The following GRID2 variants were observed in gnomAD, a reference collection of about 807,000 sequenced individuals.
The protein encoded by GRID2 is glutamate receptor ionotropic, delta-2.
A neutral mutation model predicts 114.8 loss-of-function variants in GRID2; 33 were observed. That is an observed-to-expected ratio of 0.29 (90% CI 0.22 to 0.38). The LOEUF (loss-of-function observed/expected upper bound fraction) is 0.38, where lower values mean the gene tolerates loss of function less well. Ranked by LOEUF, GRID2 falls within the 10% of genes least tolerant of loss-of-function variation. GRID2 has a pLI of 1.00. For synonymous variants in GRID2, 505 were observed against 449.9 expected (o/e 1.12, Z -1.55); for missense variants, 1,184 against 1,257.7 (o/e 0.94, Z 0.89).
chr4:93,710,606 C>G (rs1250129832), intron 14 of GRID2, among the ~76,000 whole-genome samples: 1 of 152,102 alleles, frequency 6.6e-6, no homozygotes, highest in East Asian at 1.9e-4. Context: ...TATTCAAGGC[C>G]CAAGGGCTCT....
chr4:93,550,607 G>C (rs1222562882), intron 13 of GRID2, among the ~76,000 whole-genome samples: 1 of 152,138 alleles, frequency 6.6e-6, no homozygotes, highest in African/African-American at 2.4e-5. Flanking sequence ...CCTGCATTAA[G>C]ACTATTCACT....
rs941567943 is a variant in GRID2 at position 93,478,145 on chromosome 4, G to C, written c.1859-12494G>C. 3.7e-3 allele frequency among the ~76,000 whole-genome samples: 570 copies of C among 152,052 alleles called. 4 individuals are homozygous for C. The highest frequency in any genetic ancestry group is 5.9e-3 in the Non-Finnish European group (404 of 67,964). On this transcript the variant is annotated intron_variant, in intron 11 of 15. Transcript: ENST00000282020. ...TAGAAACAGTGGGAATTTTATACAG[G>C]CTAGAGTAACAAAAACATTGTGAAA...
intron 14 of GRID2, among the ~76,000 whole-genome samples, chr4:93,666,661 T>G (rs1723977595): frequency 6.6e-6 from 1 of 152,006 alleles, no homozygotes; most frequent in African/African-American, 2.4e-5. Flanking sequence ...GTTGATATGG[T>G]TTTTCTGCTT....
At position 93,594,086 on chromosome 4, in the gene GRID2, C is replaced by T. The variant is rs185714373; in HGVS notation, c.2194-32183C>T. On this transcript the variant is annotated intron_variant, in intron 13 of 15. Coordinates refer to ENST00000282020, the MANE Select transcript of GRID2 (RefSeq NM_001510.4). ...AGTCGTTCTCCGTCCAGCTTTGTTC[C>T]GTTGCTGGTGAGGAGCTGCATTCCT... Among the ~76,000 whole-genome samples, 152 of 152,286 alleles carry T rather than the reference C, an allele frequency of 1.0e-3. 1 individual carries two copies. Among genetic ancestry groups the T allele is most frequent in the East Asian group, 4.4e-3 (23 of 5,176 alleles).
chr4:93,429,505 C>A (rs1485023), intron 10 of GRID2, among the ~76,000 whole-genome samples: 105,004 of 152,084 alleles, frequency 0.69, 36,771 homozygotes, highest in African/African-American at 0.81. Flanking sequence ...CATGACTGGT[C>A]GTTTTGGATT....
At chr4:92,769,076 T>C (rs749784583) in intron 2 of GRID2, among the ~76,000 whole-genome samples, 68 of 152,180 alleles carry the variant, frequency 4.5e-4, no homozygotes, top group Non-Finnish European at 8.1e-4. Context: ...TATGAGCCTG[T>C]GAAATTCAAA....
chr4:92,372,262 A>G (rs1729151542), intron 1 of GRID2, among the ~76,000 whole-genome samples: 1 of 152,186 alleles, frequency 6.6e-6, no homozygotes, highest in South Asian at 2.1e-4. Flanking sequence ...TCCAATTTTA[A>G]AAGAAGTTCT....
chr4:93,616,600 TTTTATTATATTTATAAAATAAATATA>T lies in GRID2; in HGVS notation c.2194-9668_2194-9643del, dbSNP rs1387772805. Among the ~76,000 whole-genome samples the T allele has an allele frequency of 7.2e-3, 1,011 of 140,618 alleles. 6 individuals carry two copies. The highest frequency in any genetic ancestry group is 0.027 in the African/African-American group (980 of 36,924). 92.3% of individuals were successfully genotyped at this position (140,618 alleles called of 152,430 possible). A position where few individuals can be genotyped will look rare whatever the true frequency, so the allele number is the denominator to read the frequency against. ...TTTATAAATATTTATAAAATAAATA[TTTTATTATATTTATAAAATAAATATA>T]AAAAAAAGTTTATAGACTAAACAAA... is the stretch of plus-strand genomic sequence containing the variant. On this transcript the variant is annotated intron_variant, in intron 13 of 15. Transcript: ENST00000282020.
At chr4:92,369,460 G>T (rs1331116058) in intron 1 of GRID2, among the ~76,000 whole-genome samples, 1 of 152,106 alleles carries the variant, frequency 6.6e-6, no homozygotes, top group East Asian at 1.9e-4. Flanking sequence ...CTTTTAATCA[G>T]ATGCTCTGGG....
chr4:93,615,517 A>G (rs1306535492), intron 13 of GRID2, among the ~76,000 whole-genome samples: 1 of 152,118 alleles, frequency 6.6e-6, no homozygotes, highest in East Asian at 1.9e-4. Context: ...ACTGGGTCAA[A>G]TGGTATTTCT....
At chr4:93,291,296 G>A (rs1337176533) in intron 8 of GRID2, among the ~76,000 whole-genome samples, 2 of 152,182 alleles carry the variant, frequency 1.3e-5, no homozygotes, top group East Asian at 3.8e-4. Context: ...CCAGAGGATA[G>A]GCTTTAGGGT....
intron 1 of GRID2, among the ~76,000 whole-genome samples, chr4:92,411,266 T>C (rs1352956886): frequency 6.6e-6 from 1 of 152,146 alleles, no homozygotes; most frequent in Non-Finnish European, 1.5e-5. Context: ...TTTTACAGAA[T>C]GGACCTTTAG....
chr4:93,098,930 A>C (rs935287427), intron 3 of GRID2, among the ~76,000 whole-genome samples: 9 of 151,290 alleles, frequency 5.9e-5, no homozygotes, highest in Non-Finnish European at 4.4e-5. Context: ...TCAAGTTAGC[A>C]GACTCTGGTG....
At chr4:92,647,064 A>C (rs1265843334) in intron 2 of GRID2, among the ~76,000 whole-genome samples, 2 of 152,176 alleles carry the variant, frequency 1.3e-5, no homozygotes, top group Non-Finnish European at 2.9e-5. Flanking sequence ...GATCGGTTAG[A>C]GTGGGACTGA....
At chr4:92,651,353 C>T (rs934716233) in intron 2 of GRID2, among the ~76,000 whole-genome samples, 1 of 151,994 alleles carries the variant, frequency 6.6e-6, no homozygotes, top group Non-Finnish European at 1.5e-5. Context: ...ATAGCCTGGT[C>T]AGCCTTGATG....
At chr4:93,026,111 A>T (rs1163022666) in intron 2 of GRID2, among the ~76,000 whole-genome samples, 1 of 151,798 alleles carries the variant, frequency 6.6e-6, no homozygotes, top group Non-Finnish European at 1.5e-5. Flanking sequence ...ATTTTTGACT[A>T]ACAAACTGTA....
At chr4:93,512,151 G>A (rs1178428844) in intron 12 of GRID2, among the ~76,000 whole-genome samples, 2 of 152,034 alleles carry the variant, frequency 1.3e-5, no homozygotes, top group Non-Finnish European at 1.5e-5. Flanking sequence ...GTCTGTATTT[G>A]ACATGGTATA....
chr4:93,042,679 CTATA>C (rs749053786), intron 2 of GRID2, among the ~76,000 whole-genome samples: 1 of 136,936 alleles, frequency 7.3e-6, no homozygotes, highest in Admixed American at 7.4e-5. Context: ...CTCTATATAT[CTATA>C]TATATATGCA....
At chr4:92,806,201 A>ACG (rs1283928985) in intron 2 of GRID2, among the ~76,000 whole-genome samples, 1 of 151,024 alleles carries the variant, frequency 6.6e-6, no homozygotes, top group Non-Finnish European at 1.5e-5. Flanking sequence ...ACACACACAC[A>ACG]CACACACACA....
Sources: gnomAD v4.1 joint callset for allele counts (sites outside exome capture counted in the v4.1 genomes callset) on GRCh38, gnomAD v4.1.1 for gene constraint, MANE v1.5 for transcripts, NCBI Gene and HGNC (gene_info 2026-07-23, HGNC 2026-07-21) for gene names.